The following RTF2 variants were observed in gnomAD, a reference collection of about 807,000 sequenced individuals.
RTF2 encodes replication termination factor 2.
In RTF2, 18 loss-of-function variants were observed where a neutral mutation model predicts 38.0. That is an observed-to-expected ratio of 0.47 (90% CI 0.33 to 0.70). RTF2 has a LOEUF of 0.70. RTF2 is among the 30% of genes least tolerant of loss of function. The probability of loss-of-function intolerance (pLI) is 0.02; values close to 1 mark genes in which losing one functional copy is unlikely to be tolerated. For synonymous variants in RTF2, 126 were observed against 137.1 expected (o/e 0.92, Z 0.57); for missense variants, 311 against 379.6 (o/e 0.82, Z 1.50).
At chr20:56,517,849 C>T (rs1242000528) in intron 8 of RTF2, among the ~76,000 whole-genome samples, 4 of 152,164 alleles carry the variant, frequency 2.6e-5, no homozygotes, top group Admixed American at 6.5e-5. Flanking sequence ...TCAGGACAAT[C>T]TAAGTCATTC....
chr20:56,475,033 G>A (rs998620717), intron 3 of RTF2, among the ~76,000 whole-genome samples: 1 of 152,136 alleles, frequency 6.6e-6, no homozygotes, highest in Non-Finnish European at 1.5e-5. Flanking sequence ...TTAATGTTAG[G>A]AGGCATTATT....
In RTF2 at chr20:56,482,858, G is replaced by A. The variant is rs374266987; in HGVS notation, c.399-1253G>A. Reference sequence around the variant, plus strand: ...GTGGAGGCATTATTCGTTGTTTGATGTTTAATGCTCCCTCCCCCACACCAC... The same window carrying A: ...GTGGAGGCATTATTCGTTGTTTGATATTTAATGCTCCCTCCCCCACACCAC... On this transcript the variant is annotated intron_variant, in intron 4 of 8. Coordinates refer to ENST00000357348, the MANE Select transcript of RTF2 (RefSeq NM_016407.5). Among the ~76,000 whole-genome samples the A allele has an allele frequency of 4.7e-4, 72 of 152,280 alleles. 2 individuals carry two copies. The East Asian group carries it at 7.1e-3, about 15-fold the overall frequency.
intron 6 of RTF2, chr20:56,514,182 G>GA (rs976171973): frequency 4.6e-5 from 7 of 152,250 alleles, no homozygotes; most frequent in African/African-American, 1.7e-4. Context: ...CAGAAACAGG[G>GA]AAAGCATTGC....
chr20:56,484,329 G>A (rs973439780), intron 5 of RTF2, 140 bp downstream of exon 5: 3 of 709,798 alleles, frequency 4.2e-6, no homozygotes, highest in Non-Finnish European at 7.3e-6. Context: ...TTGGTTGCTG[G>A]AAGTGCAGAA....
chr20:56,476,370 CA>C (rs1982242981), intron 3 of RTF2, among the ~76,000 whole-genome samples: 1 of 152,110 alleles, frequency 6.6e-6, no homozygotes, highest in Non-Finnish European at 1.5e-5. Flanking sequence ...GGAACTCATG[CA>C]GAGCTTTCTG....
intron 5 of RTF2, among the ~76,000 whole-genome samples, chr20:56,484,580 C>G (rs973343618): frequency 6.6e-6 from 1 of 152,198 alleles, no homozygotes; most frequent in Non-Finnish European, 1.5e-5. Context: ...AATGTAATTG[C>G]GTATGTATGT....
intron 5 of RTF2, among the ~76,000 whole-genome samples, chr20:56,487,664 G>A (rs1027648074): frequency 6.6e-6 from 1 of 152,162 alleles, no homozygotes; most frequent in Non-Finnish European, 1.5e-5. Flanking sequence ...CTAGTTTGTT[G>A]GGGCTGCTGT....
rs375703760 is a variant in RTF2 at position 56,491,680 on chromosome 20, C to T, written c.477+7491C>T. Reference sequence around the variant, plus strand: ...GCCGCTCTAAGCAGGTAACCACAAGCGGGTCTGTCGAGGGTTCGAATTTGT... The same window carrying T: ...GCCGCTCTAAGCAGGTAACCACAAGTGGGTCTGTCGAGGGTTCGAATTTGT... On this transcript the variant is annotated intron_variant, in intron 5 of 8. Transcript: ENST00000357348. 105 of 1,552,202 alleles carry T rather than the reference C, an allele frequency of 6.8e-5. No homozygotes were observed. In the African/African-American group the frequency reaches 1.1e-3, roughly 16 times the overall value.
At chr20:56,508,422 G>C (rs6069767) in intron 5 of RTF2, among the ~76,000 whole-genome samples, 2 of 152,016 alleles carry the variant, frequency 1.3e-5, no homozygotes, top group African/African-American at 4.8e-5. Context: ...TCCAGTTGTT[G>C]AAAGAATTTT....
At chr20:56,496,994 A>G (rs1353500065) in intron 5 of RTF2, 11 of 1,551,864 alleles carry the variant, frequency 7.1e-6, no homozygotes, top group Admixed American at 2.0e-5. Flanking sequence ...AATCCTGTCC[A>G]CAAAGATTGA....
chr20:56,491,589 G>A (rs756375751), intron 5 of RTF2: 63 of 1,551,040 alleles, frequency 4.1e-5, no homozygotes, highest in Non-Finnish European at 5.0e-5. Context: ...AAATGACTCT[G>A]CTGTTGAAAA....
In RTF2 at chr20:56,506,796, C is replaced by G. The variant is rs371575497; in HGVS notation, c.478-6519C>G. Among the ~76,000 whole-genome samples the G allele has an allele frequency of 9.3e-3, 1,409 of 152,106 alleles. 19 individuals carry two copies. Among genetic ancestry groups the G allele is most frequent in the African/African-American group, 0.03 (1,236 of 41,492 alleles). On this transcript the variant is annotated intron_variant, in intron 5 of 8. Transcript: ENST00000357348. ...GCTCACTGCAAGCTCCGCCTCCCAG[C>G]TTCACGCCATTCTCCTGCCTCAGCC...
At chr20:56,493,043 G>A (rs1427478484) in intron 5 of RTF2, among the ~76,000 whole-genome samples, 1 of 152,072 alleles carries the variant, frequency 6.6e-6, no homozygotes, top group Non-Finnish European at 1.5e-5. Context: ...GGGTGTGGTG[G>A]TGCGTGCCTG....
chr20:56,469,237 G>A (rs920337987), intron 1 of RTF2, among the ~76,000 whole-genome samples: 3 of 152,164 alleles, frequency 2.0e-5, no homozygotes, highest in Admixed American at 1.3e-4. Context: ...AACTGTCTTA[G>A]CCTGCACACG....
intron 5 of RTF2, among the ~76,000 whole-genome samples, chr20:56,492,146 T>C (rs1377230122): frequency 6.6e-6 from 1 of 152,102 alleles, no homozygotes; most frequent in African/African-American, 2.4e-5. Flanking sequence ...AGTCTTTTCA[T>C]TGGTTGTAAG....
intron 4 of RTF2, among the ~76,000 whole-genome samples, chr20:56,479,951 C>G (rs184783360): frequency 1.3e-5 from 2 of 151,652 alleles, no homozygotes; most frequent in African/African-American, 4.9e-5. Context: ...AGTAGACTTA[C>G]CATCATTCTT....
At chr20:56,517,891 A>T (rs1454683309) in intron 8 of RTF2, among the ~76,000 whole-genome samples, 196 bp from the exon 9 acceptor site, 1 of 152,188 alleles carries the variant, frequency 6.6e-6, no homozygotes, top group Non-Finnish European at 1.5e-5. Context: ...GCGACAGAGC[A>T]AGACAGTAAA....
chr20:56,497,743 T>C lies in RTF2; in HGVS notation c.477+13554T>C, dbSNP rs1014630891. ...CTTTATTGAAATACACTAAACTACA[T>C]ATACACACCCATGAAACTGTCATTG... On this transcript the variant is annotated intron_variant, in intron 5 of 8. Transcript: ENST00000357348. 5 of 478,096 alleles carry C rather than the reference T, an allele frequency of 1.0e-5. No individual in the cohort carries two copies. The Admixed American group carries it at 1.7e-4, about 17-fold the overall frequency. 29.6% of individuals were successfully genotyped at this position (478,096 alleles called of 1,614,324 possible).
chr20:56,475,666 A>G (rs933120551), intron 3 of RTF2, among the ~76,000 whole-genome samples: 2 of 152,312 alleles, frequency 1.3e-5, no homozygotes, highest in East Asian at 1.9e-4. Context: ...TCATAATGCT[A>G]TGATTGGGTT....
Sources: allele counts gnomAD v4.1 joint callset (sites outside exome capture counted in the v4.1 genomes callset), GRCh38; gene constraint gnomAD v4.1.1; transcripts MANE v1.5; gene names NCBI Gene and HGNC (gene_info 2026-07-23, HGNC 2026-07-21).